Variants in POLR2C observed in about 807,000 individuals in gnomAD.
POLR2C encodes the protein DNA-directed RNA polymerase II subunit RPB3.
Under a neutral mutation model 41.7 loss-of-function variants are expected in POLR2C, and 36 were observed. The ratio of observed to expected loss-of-function variants is 0.86; its 90% CI spans 0.66 to 1.14. The LOEUF (loss-of-function observed/expected upper bound fraction) is 1.14, where lower values mean the gene tolerates loss of function less well. Ranked by LOEUF, POLR2C falls within the 50% of genes most tolerant of loss-of-function variation. The pLI, the probability that POLR2C is intolerant of heterozygous loss-of-function variation, is 0.00. For synonymous variants in POLR2C, 133 were observed against 137.8 expected, an observed-to-expected ratio of 0.96 and a Z score of 0.25; for missense variants, 260 against 350.4, an observed-to-expected ratio of 0.74 and a Z score of 2.06.
At chr16:57,462,967 G>T in intron 1 of POLR2C, 62 bp from the exon 2 acceptor site, 1 of 1,499,176 alleles carries the variant, frequency 6.7e-7, no homozygotes, top group Non-Finnish European at 9.3e-7. Context: ...GGGAGCCTGC[G>T]GCGCGGGCCC....
chr16:57,463,281 C>T, intron 2 of POLR2C: 1 of 624,710 alleles, frequency 1.6e-6, no homozygotes, highest in Non-Finnish European at 2.9e-6. Flanking sequence ...CTTAGGTCCA[C>T]CCTTGTCCTG....
Position 57,469,214 on chromosome 16 carries a change from T to G in POLR2C, c.308T>G (p.Leu103Arg), listed in dbSNP as rs2030771047. The G allele has an allele frequency of 1.2e-6, 2 of 1,614,156 alleles. No homozygotes were observed. The highest frequency in any genetic ancestry group is 4.5e-5 in the East Asian group (2 of 44,886). Residue 103 changes from leucine to arginine, a missense_variant, in exon 5 of 9, where the codon CTC (leucine) becomes CGC (arginine). Coordinates refer to ENST00000219252, the MANE Select transcript of POLR2C (RefSeq NM_032940.3). The surrounding 1 kb of genome is among the most constrained non-coding windows in gnomAD (Gnocchi z 5.8). ...CCCGAGTGCTCGGTGGAGTTCACCC[T>G]CGATGTGCGGTGCAATGAAGACCAG... The part of the protein sequence containing the change: ...FCPECSVEFT[L>R]DVRCNEDQTR...
At position 57,471,297 on chromosome 16, in the gene POLR2C, T is replaced by G. The variant is rs937702651; in HGVS notation, c.*178T>G. The G allele has an allele frequency of 6.7e-6, 4 of 601,496 alleles. No individual in the cohort carries two copies. The Admixed American group carries it at 1.2e-4, about 17-fold the overall frequency. 37.3% of individuals were successfully genotyped at this position (601,496 alleles called of 1,614,324 possible). On this transcript the variant is annotated 3_prime_UTR_variant, in exon 9 of 9. Transcript: ENST00000219252. Reference sequence around the variant, plus strand: ...ATAGATTACCAGGGATGCAGTGGTGTTTAGGCAGGATAGGTCTTTACTGGC... The same window carrying G: ...ATAGATTACCAGGGATGCAGTGGTGGTTAGGCAGGATAGGTCTTTACTGGC...
At position 57,463,022 on chromosome 16, in the gene POLR2C, CT is replaced by C. The variant is rs762132637; in HGVS notation, c.87-4del. On this transcript the variant is annotated splice_region_variant and splice_polypyrimidine_tract_variant and intron_variant, in intron 1 of 8. Transcript: ENST00000219252. ...GCCTTCACGCCCCTTGGCTTTTGAT[CT>C]TTCAGGGTGGCCAATTCGATTCGGA... 6.2e-7 allele frequency: 1 copy of C among 1,611,748 alleles called. No individual in the cohort carries two copies. Among genetic ancestry groups the C allele is most frequent in the African/African-American group, 1.4e-5 (1 of 73,942 alleles).
chr16:57,469,816 C>T lies in POLR2C; in HGVS notation c.439+55C>T, dbSNP rs2146603778. 5 of 1,575,744 alleles carry T rather than the reference C, an allele frequency of 3.2e-6. No individual in the cohort carries two copies. Among genetic ancestry groups the T allele is most frequent in the Non-Finnish European group, 4.4e-6 (5 of 1,145,038 alleles). ...GCCAGCGGGAAGGAGGGACCAGACACAGCCTCTCGTGCTGCCTGGTCTCCT... is the reference window on the plus strand; with the variant it reads ...GCCAGCGGGAAGGAGGGACCAGACATAGCCTCTCGTGCTGCCTGGTCTCCT... On this transcript the variant is annotated intron_variant, in intron 6 of 8. Transcript: ENST00000219252. The surrounding 1 kb of genome is among the most constrained non-coding windows in gnomAD (Gnocchi z 5.8).
Position 57,469,933 on chromosome 16 carries a change from C to T in POLR2C, c.440-28C>T. The T allele has an allele frequency of 6.2e-7, 1 of 1,609,226 alleles. No homozygotes were observed. The highest frequency in any genetic ancestry group is 8.5e-7 in the Non-Finnish European group (1 of 1,178,074). On this transcript the variant is annotated intron_variant, in intron 6 of 8. Transcript: ENST00000219252. The surrounding 1 kb of genome is among the most constrained non-coding windows in gnomAD (Gnocchi z 5.8). ...TTGGAGAAGCATGTCTCTCCTGGCC[C>T]TTGACTGACTTGTGCCTCTCCCTGC...
Position 57,470,970 on chromosome 16 carries a change from C to T in POLR2C, c.684-5C>T. 2 of 1,611,760 alleles carry T rather than the reference C, an allele frequency of 1.2e-6. No homozygotes were observed. Among genetic ancestry groups the T allele is most frequent in the East Asian group, 2.2e-5 (1 of 44,884 alleles). ...CAGTGCACTCACTGGACTCTTGCCT[C>T]CTAGGTTTTACTACAATGTGGAGTC... On this transcript the variant is annotated splice_polypyrimidine_tract_variant and splice_region_variant and intron_variant, in intron 8 of 8. Coordinates refer to ENST00000219252, the MANE Select transcript of POLR2C (RefSeq NM_032940.3).
In POLR2C at chr16:57,471,185, T is replaced by C; in HGVS notation, c.*66T>C. 7.3e-7 allele frequency: 1 copy of C among 1,364,352 alleles called. No individual in the cohort carries two copies. Among genetic ancestry groups the C allele is most frequent in the Non-Finnish European group, 1.0e-6 (1 of 960,342 alleles). The allele number at this position is 1,364,352 out of a possible 1,614,324, so 84.5% of individuals were successfully genotyped here. On this transcript the variant is annotated 3_prime_UTR_variant, in exon 9 of 9. Transcript: ENST00000219252. ...AGCAGCTGGATATGGGGGTCTCTCT[T>C]CAGACTCTTCTCGTTTCTGAGAATC...
Position 57,462,697 on chromosome 16 carries a change from A to G in POLR2C, c.-28A>G, listed in dbSNP as rs1388612950. On this transcript the variant is annotated 5_prime_UTR_variant, in exon 1 of 9. Transcript: ENST00000219252. ...GCGCCGCGCAGTCACCGCGGAGCAGACGCGGAGGCTGGTGGCCCCTGGGCG... is the reference window on the plus strand; with the variant it reads ...GCGCCGCGCAGTCACCGCGGAGCAGGCGCGGAGGCTGGTGGCCCCTGGGCG... 1.9e-6 allele frequency: 3 copies of G among 1,552,354 alleles called. No individual in the cohort carries two copies. Among genetic ancestry groups the G allele is most frequent in the Non-Finnish European group, 2.6e-6 (3 of 1,139,812 alleles).
chr16:57,469,744 A>C lies in POLR2C; in HGVS notation c.422A>C (p.Asp141Ala). Residue 141 changes from aspartate (D) to alanine (A), a missense_variant, in exon 6 of 9, where the codon GAC (aspartate) becomes GCC (alanine). Transcript: ENST00000219252. The surrounding 1 kb of genome is among the most constrained non-coding windows in gnomAD (Gnocchi z 5.8). The part of the protein sequence containing the change: ...TSRNRDNDPN[D>A]YVEQDDILIV... ...CGGAACCGAGATAATGACCCCAATG[A>C]CTACGTGGAGCAGGATGGTAAGTCT... 1 of 1,614,032 alleles carries C rather than the reference A, an allele frequency of 6.2e-7. No homozygotes were observed. Among genetic ancestry groups the C allele is most frequent in the Non-Finnish European group, 8.5e-7 (1 of 1,179,912 alleles).
intron 8 of POLR2C, 100 bp downstream of exon 8, chr16:57,470,454 C>G (rs1346603623): frequency 1.2e-6 from 1 of 845,362 alleles, no homozygotes; most frequent in Non-Finnish European, 1.9e-6. Context: ...CCTCGCAGTT[C>G]TCATAAGCTG....
At chr16:57,464,622 G>A (rs374494325) in intron 2 of POLR2C, among the ~76,000 whole-genome samples, 64 of 152,234 alleles carry the variant, frequency 4.2e-4, no homozygotes, top group African/African-American at 1.5e-3. Flanking sequence ...CAAATGATTA[G>A]GCAAGAGAAC....
intron 1 of POLR2C, 69 bp downstream of exon 1, chr16:57,462,879 A>C: frequency 3.8e-6 from 1 of 263,994 alleles, no homozygotes; most frequent in Non-Finnish European, 5.8e-6. Flanking sequence ...GCCCCGGGGC[A>C]GGGGGCGGGG....
chr16:57,463,645 A>G, intron 2 of POLR2C: 1 of 454,658 alleles, frequency 2.2e-6, no homozygotes, highest in South Asian at 1.6e-5. Flanking sequence ...TTCCTGTGTT[A>G]ATTCTCTTAG....
At chr16:57,465,911 A>G (rs2030695424) in intron 2 of POLR2C, 42 bp from the exon 3 acceptor site, 1 of 1,305,912 alleles carries the variant, frequency 7.7e-7, no homozygotes, top group East Asian at 2.3e-5. Context: ...CTGTAGGTAA[A>G]TTTGATGGCT....
intron 4 of POLR2C, among the ~76,000 whole-genome samples, chr16:57,468,149 C>T (rs1280835863): frequency 2.0e-5 from 3 of 152,160 alleles, no homozygotes; most frequent in Non-Finnish European, 4.4e-5. Flanking sequence ...GCTGGGACTA[C>T]AGGTGCTGTG....
chr16:57,463,500 T>C (rs771970872), intron 2 of POLR2C: 11 of 362,730 alleles, frequency 3.0e-5, no homozygotes, highest in Non-Finnish European at 3.8e-5. Flanking sequence ...GTAGTGAGCA[T>C]AGTACGCAAT....
rs1567584311 is a variant in POLR2C, at chr16:57,469,795, G to A, written c.439+34G>A. The A allele has an allele frequency of 1.2e-6, 2 of 1,601,354 alleles. No individual in the cohort carries two copies. The highest frequency in any genetic ancestry group is 1.7e-4 in the Middle Eastern group (1 of 6,036). ...TCCTGACCTGTCACCGTGTGGGCCA[G>A]CGGGAAGGAGGGACCAGACACAGCC... On this transcript the variant is annotated intron_variant, in intron 6 of 8. Transcript: ENST00000219252. The surrounding 1 kb of genome is among the most constrained non-coding windows in gnomAD (Gnocchi z 5.8).
chr16:57,470,457 A>G (rs754236702), intron 8 of POLR2C, 103 bp downstream of exon 8: 2 of 830,632 alleles, frequency 2.4e-6, no homozygotes, highest in Non-Finnish European at 3.9e-6. Context: ...CGCAGTTCTC[A>G]TAAGCTGAGG....
Sources: gnomAD v4.1 joint callset for allele counts (sites outside exome capture counted in the v4.1 genomes callset) on GRCh38, gnomAD v4.1.1 for gene constraint, Gnocchi (gnomAD v3.1) non-coding constraint, MANE v1.5 for transcripts, NCBI Gene and HGNC (gene_info 2026-07-23, HGNC 2026-07-21) for gene names.